The following PTK2 variants were observed in gnomAD, a reference collection of about 807,000 sequenced individuals.
PTK2 encodes the protein focal adhesion kinase 1.
PTK2 carries 45 observed loss-of-function variants against 150.1 expected under a neutral mutation model. The ratio of observed to expected loss-of-function variants is 0.30; its 90% CI spans 0.24 to 0.38. The LOEUF is 0.38. Among genes scored for constraint, PTK2 ranks in the 10% least tolerant of loss-of-function variants. The pLI is 1.00. For missense variants in PTK2, 919 were observed against 1,307.3 expected, an observed-to-expected ratio of 0.70 and a Z score of 4.58; for synonymous variants, 432 against 449.2, an observed-to-expected ratio of 0.96 and a Z score of 0.48.
intron 29 of PTK2, chr8:140,669,303 A>ATG (rs1224065703): frequency 4.3e-3 from 36 of 8,282 alleles, no homozygotes; most frequent in Middle Eastern, 0.062. Flanking sequence ...ATAAAATGGT[A>ATG]TATATATATA....
Position 140,955,650 on chromosome 8 carries a change from C to G in PTK2, c.-121-29901G>C, listed in dbSNP as rs541282061. ...ACACTGAAGATAGAAACCGAACAAACAGGAAAACAGAAAAACTTGGGGGAA... is the reference window on the plus strand; with the variant it reads ...ACACTGAAGATAGAAACCGAACAAAGAGGAAAACAGAAAAACTTGGGGGAA... On this transcript the variant is annotated intron_variant, in intron 1 of 31. Transcript: ENST00000522684. 3.9e-5 allele frequency among the ~76,000 whole-genome samples: 6 copies of G among 152,198 alleles called. No homozygotes were observed. In the South Asian group the frequency reaches 1.0e-3, roughly 26 times the overall value.
At chr8:141,001,602 C>T (rs1232100718), upstream of PTK2, among the ~76,000 whole-genome samples, 1 of 152,158 alleles carries the variant, frequency 6.6e-6, no homozygotes, top group Non-Finnish European at 1.5e-5. Context: ...GCCTCGCTCT[C>T]CGCCAGCGGG....
intron 4 of PTK2, among the ~76,000 whole-genome samples, chr8:140,873,902 A>G (rs1344586557): frequency 1.3e-5 from 2 of 152,260 alleles, no homozygotes; most frequent in African/African-American, 4.8e-5. Context: ...ATCTTAGTAC[A>G]GTAGAATTTG....
At chr8:140,899,422 T>C (rs560449663) in intron 2 of PTK2, among the ~76,000 whole-genome samples, 5 of 152,174 alleles carry the variant, frequency 3.3e-5, no homozygotes, top group East Asian at 1.9e-4. Flanking sequence ...CTGGAATAAA[T>C]TGATAAATTC....
intron 26 of PTK2, among the ~76,000 whole-genome samples, chr8:140,690,903 C>T (rs1420486241): frequency 6.6e-6 from 1 of 152,154 alleles, no homozygotes; most frequent in Non-Finnish European, 1.5e-5. Flanking sequence ...GGATCCAGTC[C>T]TTACAAGCTG....
At chr8:140,977,885 T>C (rs965473027) in intron 1 of PTK2, among the ~76,000 whole-genome samples, 13 of 152,140 alleles carry the variant, frequency 8.5e-5, no homozygotes, top group African/African-American at 2.7e-4. Flanking sequence ...CAAAACAGCA[T>C]GGTACTGGTA....
chr8:140,824,124 T>C (rs1339372982), intron 8 of PTK2, among the ~76,000 whole-genome samples: 3 of 152,208 alleles, frequency 2.0e-5, no homozygotes, highest in Admixed American at 2.0e-4. Flanking sequence ...CCCAAACTCT[T>C]AGACATGGAA....
At chr8:140,738,766 G>A (rs570550625) in intron 21 of PTK2, among the ~76,000 whole-genome samples, 2 of 152,200 alleles carry the variant, frequency 1.3e-5, no homozygotes, top group East Asian at 3.9e-4. Flanking sequence ...CAGCAAAGGG[G>A]AACAAAAAGG....
chr8:140,783,627 A>G (rs1017917253), intron 14 of PTK2, among the ~76,000 whole-genome samples: 6 of 152,210 alleles, frequency 3.9e-5, no homozygotes, highest in Admixed American at 3.9e-4. Flanking sequence ...CAGTTTACAA[A>G]CCACCTTTGC....
chr8:140,861,539 G>A (rs921187262), intron 5 of PTK2, among the ~76,000 whole-genome samples: 4 of 152,120 alleles, frequency 2.6e-5, no homozygotes, highest in Admixed American at 6.5e-5. Flanking sequence ...CCCATAATGT[G>A]CAGCTCACAC....
chr8:140,688,993 G>A (rs1390758059), intron 26 of PTK2, among the ~76,000 whole-genome samples: 1 of 152,182 alleles, frequency 6.6e-6, no homozygotes, highest in African/African-American at 2.4e-5. Context: ...AGACAGCTGT[G>A]GCTGGGTGTG....
intron 5 of PTK2, among the ~76,000 whole-genome samples, chr8:140,852,877 G>A (rs1224826251): frequency 6.6e-6 from 1 of 152,174 alleles, no homozygotes; most frequent in African/African-American, 2.4e-5. Context: ...ATATTTTTAG[G>A]GCTGGCCCTT....
intron 26 of PTK2, among the ~76,000 whole-genome samples, chr8:140,687,549 G>T (rs551575849): frequency 6.6e-6 from 1 of 152,180 alleles, no homozygotes; most frequent in Non-Finnish European, 1.5e-5. Flanking sequence ...ATTCGTCTGT[G>T]TATCTCCTAT....
intron 22 of PTK2, among the ~76,000 whole-genome samples, chr8:140,728,308 T>C (rs752612497): frequency 1.1e-4 from 16 of 152,206 alleles, no homozygotes; most frequent in Non-Finnish European, 1.8e-4. Flanking sequence ...GCTCATAATT[T>C]TGCACGATTC....
At chr8:140,693,386 T>C (rs2100024322) in intron 26 of PTK2, among the ~76,000 whole-genome samples, 1 of 151,070 alleles carries the variant, frequency 6.6e-6, no homozygotes, top group Non-Finnish European at 1.5e-5. Context: ...AGACCCTATC[T>C]CTATAAAAAA....
At chr8:140,677,490 C>A (rs1296748068) in intron 27 of PTK2, among the ~76,000 whole-genome samples, 1 of 152,176 alleles carries the variant, frequency 6.6e-6, no homozygotes, top group Non-Finnish European at 1.5e-5. Context: ...GGAAAAAAAT[C>A]TTTTTGGAAC....
chr8:140,752,452 T>C (rs1157935774), intron 16 of PTK2, 136 bp from the exon 20 acceptor site: 1 of 688,024 alleles, frequency 1.5e-6, no homozygotes, highest in Non-Finnish European at 2.5e-6. Context: ...ATCTCAAGAA[T>C]GAGAGGGATA....
At chr8:140,953,567 G>C (rs2100180218) in intron 1 of PTK2, among the ~76,000 whole-genome samples, 1 of 152,202 alleles carries the variant, frequency 6.6e-6, no homozygotes, top group African/African-American at 2.4e-5. Context: ...GGGTGCATGA[G>C]ATTTCATCAG....
intron 22 of PTK2, among the ~76,000 whole-genome samples, chr8:140,730,294 A>G (rs1250058249): frequency 6.6e-6 from 1 of 152,244 alleles, no homozygotes; most frequent in Non-Finnish European, 1.5e-5. Context: ...ATTTCCACCA[A>G]CAGTGGAATA....
Sources: allele counts gnomAD v4.1 joint callset (sites outside exome capture counted in the v4.1 genomes callset), GRCh38; gene constraint gnomAD v4.1.1; transcripts MANE v1.5; gene names NCBI Gene and HGNC (gene_info 2026-07-23, HGNC 2026-07-21).